The following PANK2 variants were observed in gnomAD, a reference collection of about 807,000 sequenced individuals.
PANK2 encodes pantothenate kinase 2.
In PANK2, 36 loss-of-function variants were observed where a neutral mutation model predicts 43.1. The observed-to-expected ratio is 0.84, with a 90% CI of 0.64 to 1.10. The LOEUF (loss-of-function observed/expected upper bound fraction) is 1.10. PANK2 is among the 50% of genes least tolerant of loss of function. PANK2 has a pLI of 0.00. For synonymous variants in PANK2, 281 were observed against 238.2 expected (o/e 1.18, Z -1.66); for missense variants, 576 against 593.3 (o/e 0.97, Z 0.30).
chr20:3,902,222 G>A (rs535750276), intron 1 of PANK2, among the ~76,000 whole-genome samples: 39 of 150,542 alleles, frequency 2.6e-4, no homozygotes, highest in African/African-American at 7.6e-4. Context: ...GCTGGAGTGC[G>A]GTGGCATGGT....
rs762399308 is a variant in PANK2, at chr20:3,918,816, G to A, written c.1332+20G>A. The A allele has an allele frequency of 1.2e-5, 19 of 1,614,188 alleles. No homozygotes were observed. In the African/African-American group the frequency reaches 2.1e-4, roughly 18 times the overall value. Reference sequence around the variant, plus strand: ...CACGAGGTAAGCTGACTTGTTCGTTGTGGTATATTATGTACACAGAGGGCT... The same window carrying A: ...CACGAGGTAAGCTGACTTGTTCGTTATGGTATATTATGTACACAGAGGGCT... On this transcript the variant is annotated intron_variant, in intron 6 of 6. Coordinates refer to ENST00000610179, the MANE Select transcript of PANK2 (RefSeq NM_001386393.1).
At chr20:3,889,206 T>C (rs1213718009), upstream of PANK2, 1 of 1,612,504 alleles carries the variant, frequency 6.2e-7, no homozygotes, top group Non-Finnish European at 8.5e-7. Context: ...CCGGATCCCC[T>C]CCTCCACCAC....
intron 6 of PANK2, chr20:3,921,575 T>G (rs956794113): frequency 2.0e-5 from 3 of 152,212 alleles, no homozygotes; most frequent in African/African-American, 7.2e-5. Context: ...TATAGTGAAC[T>G]ATTAAGACAA....
At chr20:3,908,578 A>G in intron 2 of PANK2, 1 of 346,372 alleles carries the variant, frequency 2.9e-6, no homozygotes, top group Admixed American at 4.3e-5. Context: ...TCATTAGATC[A>G]TGAACAATGA....
Position 3,923,470 on chromosome 20 carries a change from C to T in PANK2, c.*176C>T. 1 of 683,504 alleles carries T rather than the reference C, an allele frequency of 1.5e-6. No homozygotes were observed. The highest frequency in any genetic ancestry group is 2.5e-6 in the Non-Finnish European group (1 of 399,930). The allele number at this position is 683,504 out of a possible 1,614,324, so 42.3% of individuals were successfully genotyped here. On this transcript the variant is annotated 3_prime_UTR_variant, in exon 7 of 7. Coordinates refer to ENST00000610179, the MANE Select transcript of PANK2 (RefSeq NM_001386393.1). The stretch of plus-strand genomic sequence containing the variant: ...TTAAGAATTCAGTCTAAATTAGCAA[C>T]CAGGAAGGAAAAATATATTAAAAAC...
intron 3 of PANK2, among the ~76,000 whole-genome samples, chr20:3,912,163 A>T (rs2146871438): frequency 6.6e-6 from 1 of 152,288 alleles, no homozygotes; most frequent in Middle Eastern, 3.4e-3. Context: ...AGGTGTTAGC[A>T]TGGCCCCAGG....
At chr20:3,897,535 T>C (rs950250299) in intron 1 of PANK2, among the ~76,000 whole-genome samples, 1 of 151,630 alleles carries the variant, frequency 6.6e-6, no homozygotes, top group African/African-American at 2.4e-5. Flanking sequence ...ACCTCGTCTC[T>C]ACAAAAAATT....
At chr20:3,898,141 A>T (rs1258289377) in intron 1 of PANK2, among the ~76,000 whole-genome samples, 1 of 152,138 alleles carries the variant, frequency 6.6e-6, no homozygotes, top group Non-Finnish European at 1.5e-5. Flanking sequence ...CATTACTGAG[A>T]AGAATCTCTT....
At chr20:3,889,065 A>G, upstream of PANK2, 1 of 1,470,408 alleles carries the variant, frequency 6.8e-7, no homozygotes, top group Non-Finnish European at 9.1e-7. Flanking sequence ...GGGGGGGCAG[A>G]GGCATGCACA....
chr20:3,896,622 G>T (rs2090213596), intron 1 of PANK2, among the ~76,000 whole-genome samples: 1 of 152,034 alleles, frequency 6.6e-6, no homozygotes, highest in African/African-American at 2.4e-5. Context: ...GGGGCTTGAA[G>T]GTTAAGTTGA....
chr20:3,905,354 T>C (rs948694340), intron 1 of PANK2, among the ~76,000 whole-genome samples: 1 of 150,594 alleles, frequency 6.6e-6, no homozygotes, highest in African/African-American at 2.4e-5. Flanking sequence ...CTATCTCTTT[T>C]TTTTTTTTTT....
rs1183095944 is a variant in PANK2, at chr20:3,918,680, C to G, written c.1216C>G (p.Gln406Glu). ...TTTTTGGTGTGCTCAGAACATTAAC[C>G]AGGTGGTATTTGTTGGAAATTTCTT... The change falls in exon 6 of 7, where the codon CAG becomes GAG. Residue 406 changes from glutamine (Q) to glutamate (E), a missense_variant. Transcript: ENST00000610179. 3 of 1,614,072 alleles carry G rather than the reference C, an allele frequency of 1.9e-6. No individual in the cohort carries two copies. The highest frequency in any genetic ancestry group is 1.1e-5 in the South Asian group (1 of 91,064).
chr20:3,893,924 GTTT>G (rs1046729224), intron 1 of PANK2, among the ~76,000 whole-genome samples: 164 of 124,906 alleles, frequency 1.3e-3, no homozygotes, highest in Non-Finnish European at 1.7e-3. Context: ...TTTTTTGTTT[GTTT>G]TTTGTTTTTT....
Position 3,926,042 on chromosome 20 carries a change from G to GTGGCCAGAATGGAGAGGGGAGAAGTGGA in PANK2, c.*2765_*2792dup. 6.5e-6 allele frequency: 1 copy of GTGGCCAGAATGGAGAGGGGAGAAGTGGA among 152,680 alleles called. No individual in the cohort carries two copies. Among genetic ancestry groups the GTGGCCAGAATGGAGAGGGGAGAAGTGGA allele is most frequent in the African/African-American group, 2.4e-5 (1 of 41,552 alleles). 9.5% of individuals were successfully genotyped at this position (152,680 alleles called of 1,614,324 possible). A position where few individuals can be genotyped will look rare whatever the true frequency, so the allele number is the denominator to read the frequency against. ...AGGCCTGAACTAAGATGGGAGGTGG[G>GTGGCCAGAATGGAGAGGGGAGAAGTGGA]TGGCCAGAATGGAGAGGGGAGAAGT... On this transcript the variant is annotated 3_prime_UTR_variant, in exon 7 of 7. Coordinates refer to ENST00000610179, the MANE Select transcript of PANK2 (RefSeq NM_001386393.1).
At chr20:3,920,683 A>G (rs1008555456) in intron 6 of PANK2, among the ~76,000 whole-genome samples, 1 of 152,116 alleles carries the variant, frequency 6.6e-6, no homozygotes, top group African/African-American at 2.4e-5. Flanking sequence ...TGTCTCTACA[A>G]AAAATACAAA....
At chr20:3,907,099 CTTT>C (rs71195867) in intron 1 of PANK2, among the ~76,000 whole-genome samples, 1 of 80,622 alleles carries the variant, frequency 1.2e-5, no homozygotes, top group African/African-American at 5.1e-5. Context: ...CCAGCCCTGC[CTTT>C]TTTTTTTTTT....
rs777111649 is a variant in PANK2 at position 3,889,534 on chromosome 20, C to A, written c.104C>A (p.Ser35Ter). ...GGCAGGGCTTCCGCCACCTCCGTCT[C>A]GTCGGCTGGGGAGCAGGCGGCCGGG... The change falls in exon 1 of 7, where the codon TCG (serine) becomes TAG (stop). Residue 35 changes from serine (S) to a stop codon, truncating the protein, a stop_gained. Coordinates refer to ENST00000610179, the MANE Select transcript of PANK2 (RefSeq NM_001386393.1). LOFTEE classifies it high-confidence loss of function. 2.1e-6 allele frequency: 3 copies of A among 1,423,792 alleles called. No homozygotes were observed. The highest frequency in any genetic ancestry group is 1.5e-5 in the South Asian group (1 of 66,990). The allele number at this position is 1,423,792 out of a possible 1,614,324, so 88.2% of individuals were successfully genotyped here.
intron 1 of PANK2, 77 bp downstream of exon 1, chr20:3,889,805 C>T: frequency 2.6e-6 from 4 of 1,544,914 alleles, no homozygotes; most frequent in African/African-American, 1.4e-5. Context: ...CCGGCCCCGC[C>T]GCCGTTTTTC....
At chr20:3,903,132 G>A (rs958121585) in intron 1 of PANK2, among the ~76,000 whole-genome samples, 5 of 140,154 alleles carry the variant, frequency 3.6e-5, no homozygotes, top group African/African-American at 1.3e-4. Context: ...AAAATGATTA[G>A]CTTGCCTTTT....
Sources: allele counts gnomAD v4.1 joint callset (sites outside exome capture counted in the v4.1 genomes callset), GRCh38; gene constraint gnomAD v4.1.1; transcripts MANE v1.5; gene names NCBI Gene and HGNC (gene_info 2026-07-23, HGNC 2026-07-21).